DLG2: variants seen among roughly 807,000 people sequenced by gnomAD.
DLG2 encodes the protein disks large homolog 2.
DLG2 carries 45 observed loss-of-function variants against 132.5 expected under a neutral mutation model. The ratio of observed to expected loss-of-function variants is 0.34; its 90% CI spans 0.27 to 0.44. DLG2 has a LOEUF of 0.44. Among genes scored for constraint, DLG2 ranks in the 20% least tolerant of loss-of-function variants. The pLI, the probability that DLG2 is intolerant of heterozygous loss-of-function variation, is 1.00. For synonymous variants in DLG2, 424 were observed against 419.6 expected, an observed-to-expected ratio of 1.01 and a Z score of -0.13; for missense variants, 1,045 against 1,196.9, an observed-to-expected ratio of 0.87 and a Z score of 1.87.
chr11:85,581,521 G>C (rs2078520577), intron 3 of DLG2, among the ~76,000 whole-genome samples: 1 of 152,132 alleles, frequency 6.6e-6, no homozygotes, highest in Non-Finnish European at 1.5e-5. Flanking sequence ...GGGAGGCTGA[G>C]GCAGGGGAAT....
intron 22 of DLG2, among the ~76,000 whole-genome samples, chr11:83,474,570 C>A (rs138649574): frequency 1.8e-3 from 269 of 152,190 alleles, no homozygotes; most frequent in African/African-American, 5.8e-3. Context: ...TGTCAGGTAA[C>A]TCTTGGACCT....
At chr11:83,792,902 A>G (rs1247413253) in intron 17 of DLG2, among the ~76,000 whole-genome samples, 3 of 152,292 alleles carry the variant, frequency 2.0e-5, no homozygotes, top group East Asian at 3.9e-4. Context: ...TTTATATGCC[A>G]ACAAATAATA....
chr11:85,108,727 G>T (rs1476740850), intron 6 of DLG2, among the ~76,000 whole-genome samples: 1 of 152,010 alleles, frequency 6.6e-6, no homozygotes, highest in African/African-American at 2.4e-5. Flanking sequence ...CTCTAGGGGA[G>T]ACTCAGTAAA....
rs149119886 is a variant in DLG2 at position 83,941,282 on chromosome 11, T to A, written c.1341-10799A>T. ...CTTGCAAGTTCCCATGCATTGCTAG[T>A]AACCTGCCTTCCAGCATATACATTT... is the stretch of plus-strand genomic sequence containing the variant. On this transcript the variant is annotated intron_variant, in intron 14 of 27. Coordinates refer to ENST00000376104, the MANE Select transcript of DLG2 (RefSeq NM_001142699.3). Among the ~76,000 whole-genome samples the A allele has an allele frequency of 6.4e-3, 887 of 139,552 alleles. 5 individuals are homozygous for A. Among genetic ancestry groups the A allele is most frequent in the Middle Eastern group, 0.055 (14 of 256 alleles). 91.6% of individuals were successfully genotyped at this position (139,552 alleles called of 152,430 possible).
intron 6 of DLG2, among the ~76,000 whole-genome samples, chr11:85,022,350 C>A (rs2060151882): frequency 6.6e-6 from 1 of 151,998 alleles, no homozygotes; most frequent in South Asian, 2.1e-4. Context: ...AATCGATAAA[C>A]TTCTCACAGA....
chr11:83,981,570 T>C (rs2092783494), intron 11 of DLG2, among the ~76,000 whole-genome samples: 2 of 151,994 alleles, frequency 1.3e-5, no homozygotes, highest in Admixed American at 6.6e-5. Context: ...GCCTCCTGAG[T>C]AGCTGGGATA....
intron 3 of DLG2, among the ~76,000 whole-genome samples, chr11:85,529,307 C>A (rs1253783861): frequency 1.3e-5 from 2 of 152,124 alleles, no homozygotes; most frequent in South Asian, 2.1e-4. Flanking sequence ...AAAAAATAAA[C>A]CTTTGGTCTT....
intron 18 of DLG2, among the ~76,000 whole-genome samples, chr11:83,691,028 G>T (rs1438435626): frequency 6.6e-6 from 1 of 152,124 alleles, no homozygotes; most frequent in Non-Finnish European, 1.5e-5. Flanking sequence ...AAACAAGTTT[G>T]CTGGCCCCTT....
chr11:84,403,450 C>T (rs2098837729), intron 7 of DLG2, among the ~76,000 whole-genome samples: 1 of 152,168 alleles, frequency 6.6e-6, no homozygotes, highest in Non-Finnish European at 1.5e-5. Flanking sequence ...CCTTTACATT[C>T]CCACTGCCAC....
intron 7 of DLG2, among the ~76,000 whole-genome samples, chr11:84,321,227 A>C (rs772607807): frequency 1.3e-5 from 2 of 152,148 alleles, no homozygotes; most frequent in Non-Finnish European, 2.9e-5. Flanking sequence ...AATCACCATG[A>C]TGACCACTGT....
At chr11:84,289,900 T>C (rs1282546896) in intron 7 of DLG2, among the ~76,000 whole-genome samples, 1 of 152,166 alleles carries the variant, frequency 6.6e-6, no homozygotes. Context: ...GTTTTCTGGA[T>C]GGTCAGGCCC....
chr11:85,408,172 TATC>T, intron 3 of DLG2, among the ~76,000 whole-genome samples: 1 of 149,242 alleles, frequency 6.7e-6, no homozygotes, highest in East Asian at 2.0e-4. Flanking sequence ...TAATATATAA[TATC>T]TAATATTTAT....
intron 8 of DLG2, among the ~76,000 whole-genome samples, chr11:84,219,222 C>A (rs2096881066): frequency 6.6e-6 from 1 of 152,146 alleles, no homozygotes; most frequent in African/African-American, 2.4e-5. Flanking sequence ...CCTAAATGAA[C>A]TTTTTGTCCC....
intron 3 of DLG2, among the ~76,000 whole-genome samples, chr11:85,322,933 G>C (rs1311533262): frequency 6.6e-6 from 1 of 152,156 alleles, no homozygotes; most frequent in Non-Finnish European, 1.5e-5. Context: ...CTTTAAATAG[G>C]ATAATCTTTT....
chr11:83,641,889 G>A (rs952266912), intron 18 of DLG2, among the ~76,000 whole-genome samples: 4 of 150,546 alleles, frequency 2.7e-5, no homozygotes, highest in Non-Finnish European at 5.9e-5. Flanking sequence ...GTGTGTGTGT[G>A]TGTATGTGTG....
chr11:84,908,929 A>T lies in DLG2; in HGVS notation c.357+202732T>A, dbSNP rs943073335. ...TACAGCTGAAGAAACAAAGGCTAAG[A>T]CTGGCTAAATAACTAGCTCATGATC... On this transcript the variant is annotated intron_variant, in intron 6 of 27. Coordinates refer to ENST00000376104, the MANE Select transcript of DLG2 (RefSeq NM_001142699.3). 3.3e-5 allele frequency among the ~76,000 whole-genome samples: 5 copies of T among 151,838 alleles called. No individual in the cohort carries two copies. In the East Asian group the frequency reaches 9.9e-4, roughly 30 times the overall value.
At chr11:85,010,531 G>A (rs984515723) in intron 6 of DLG2, among the ~76,000 whole-genome samples, 2 of 152,094 alleles carry the variant, frequency 1.3e-5, no homozygotes, top group African/African-American at 2.4e-5. Context: ...AAACGTTCTA[G>A]TGGGCGGGTA....
intron 4 of DLG2, among the ~76,000 whole-genome samples, chr11:85,173,138 A>T (rs2078994639): frequency 6.6e-6 from 1 of 152,112 alleles, no homozygotes; most frequent in Non-Finnish European, 1.5e-5. Context: ...TAAGATACCC[A>T]ACAAGAAGAT....
chr11:83,843,477 C>A (rs1346928709), intron 16 of DLG2, among the ~76,000 whole-genome samples: 1 of 152,206 alleles, frequency 6.6e-6, no homozygotes, highest in Non-Finnish European at 1.5e-5. Context: ...ATTTACCCAT[C>A]CATCTATGCT....
Sources: gnomAD v4.1 joint callset for allele counts (sites outside exome capture counted in the v4.1 genomes callset) on GRCh38, gnomAD v4.1.1 for gene constraint, MANE v1.5 for transcripts, NCBI Gene and HGNC (gene_info 2026-07-23, HGNC 2026-07-21) for gene names.